PALLD: variants seen among roughly 807,000 people sequenced by gnomAD.
PALLD encodes the protein palladin, cytoskeletal associated protein.
Under a neutral mutation model 123.5 loss-of-function variants are expected in PALLD, and 61 were observed. The observed-to-expected ratio is 0.49, with a 90% CI of 0.40 to 0.61. The LOEUF (loss-of-function observed/expected upper bound fraction) is 0.61. PALLD is among the 20% of genes least tolerant of loss of function. The pLI is 0.00. For missense variants in PALLD, 1,273 were observed against 1,377.0 expected (o/e 0.92, Z 1.20); for synonymous variants, 465 against 496.4 (o/e 0.94, Z 0.84).
intron 8 of PALLD, among the ~76,000 whole-genome samples, chr4:168,698,644 A>C (rs1355193174): frequency 6.6e-6 from 1 of 151,972 alleles, no homozygotes; most frequent in Non-Finnish European, 1.5e-5. Context: ...TATTTCCCAG[A>C]TTCACTCAAG....
At chr4:168,598,490 C>A (rs1772215231) in intron 2 of PALLD, 2 of 544,302 alleles carry the variant, frequency 3.7e-6, no homozygotes, top group Admixed American at 4.3e-5. Flanking sequence ...GAGAGAAGAA[C>A]TAGAGAGAGG....
At chr4:168,866,839 C>G (rs1322486369) in intron 10 of PALLD, among the ~76,000 whole-genome samples, 1 of 152,170 alleles carries the variant, frequency 6.6e-6, no homozygotes, top group African/African-American at 2.4e-5. Context: ...GCCCAGCTGT[C>G]TCTATAGCTG....
chr4:168,898,617 T>C lies in PALLD; in HGVS notation c.2375T>C (p.Met792Thr). The change falls in exon 14 of 22, where the codon ATG (methionine) becomes ACG (threonine). Residue 792 changes from methionine (M) to threonine (T), a missense_variant. By Grantham distance (81) the Met-to-Thr change is moderately conservative. Around this residue, in one of 2 missense-constraint regions of PALLD, gnomAD observed 329 missense variants for 422.5 expected, o/e 0.78. Transcript: ENST00000505667. ...GGAGATGTGCCTGTGGAAAATGGAA[T>C]GGCACCATTCTTTGAGATGAAGCTG... is the stretch of plus-strand genomic sequence containing the variant. ...QYGDVPVENG[M>T]APFFEMKLKH... is the part of the protein sequence containing the mutation. The C allele has an allele frequency of 6.2e-7, 1 of 1,613,978 alleles. No homozygotes were observed.
In PALLD at chr4:168,911,030, G is replaced by A. The variant is rs140395849; in HGVS notation, c.2623-2897G>A. 1.9e-3 allele frequency among the ~76,000 whole-genome samples: 292 copies of A among 152,222 alleles called. 1 individual carries two copies. Among genetic ancestry groups the A allele is most frequent in the African/African-American group, 6.9e-3 (286 of 41,522 alleles). On this transcript the variant is annotated intron_variant, in intron 15 of 21. Coordinates refer to ENST00000505667, the MANE Select transcript of PALLD (RefSeq NM_001166108.2). ...CATGATAACACAGTACCAGCTATGA[G>A]GAATTTAATAATGATAATTTATGAT...
intron 2 of PALLD, among the ~76,000 whole-genome samples, chr4:168,644,447 A>C (rs1777247780): frequency 2.0e-5 from 3 of 152,192 alleles, no homozygotes; most frequent in Non-Finnish European, 4.4e-5. Flanking sequence ...GGGGTTAAAC[A>C]GACCATATCA....
chr4:168,842,155 T>A (rs149448761), intron 10 of PALLD, among the ~76,000 whole-genome samples: 2 of 152,244 alleles, frequency 1.3e-5, no homozygotes. Flanking sequence ...TGCTCCTCCT[T>A]TCATTCACCG....
At chr4:168,884,190 C>A (rs770267570) in intron 10 of PALLD, among the ~76,000 whole-genome samples, 2 of 152,180 alleles carry the variant, frequency 1.3e-5, no homozygotes, top group African/African-American at 4.8e-5. Flanking sequence ...ACTTTTATTT[C>A]TAACTCTCAC....
intron 2 of PALLD, among the ~76,000 whole-genome samples, chr4:168,531,376 A>G (rs1764581893): frequency 6.6e-6 from 1 of 152,200 alleles, no homozygotes; most frequent in Non-Finnish European, 1.5e-5. Context: ...GCTGCCTTCA[A>G]ATTTTTGGAC....
chr4:168,784,360 G>T (rs1441175048), intron 10 of PALLD, among the ~76,000 whole-genome samples: 3 of 152,016 alleles, frequency 2.0e-5, no homozygotes, highest in Non-Finnish European at 2.9e-5. Flanking sequence ...AGAAAGAAAA[G>T]AAAAGAAAAG....
chr4:168,785,537 A>T (rs1465797211), intron 10 of PALLD, among the ~76,000 whole-genome samples: 2 of 152,122 alleles, frequency 1.3e-5, no homozygotes. Context: ...TTACCCTTTG[A>T]TCCAGAGTTT....
At chr4:168,532,759 G>A (rs1186441708) in intron 2 of PALLD, among the ~76,000 whole-genome samples, 1 of 152,116 alleles carries the variant, frequency 6.6e-6, no homozygotes, top group African/African-American at 2.4e-5. Flanking sequence ...ATTCATGGAG[G>A]CCAAGGTGCA....
intron 2 of PALLD, among the ~76,000 whole-genome samples, chr4:168,632,437 T>C (rs1409053135): frequency 6.6e-6 from 1 of 152,214 alleles, no homozygotes; most frequent in Non-Finnish European, 1.5e-5. Context: ...TGGTGATTTT[T>C]CCCATGAGAA....
chr4:168,867,931 T>A (rs1157026153), intron 10 of PALLD, among the ~76,000 whole-genome samples: 1 of 150,900 alleles, frequency 6.6e-6, no homozygotes, highest in Non-Finnish European at 1.5e-5. Flanking sequence ...AAAAAAAAAA[T>A]TCTGAGATAA....
At chr4:168,649,631 C>T (rs1777830865) in intron 2 of PALLD, among the ~76,000 whole-genome samples, 1 of 152,130 alleles carries the variant, frequency 6.6e-6, no homozygotes, top group Admixed American at 6.5e-5. Context: ...CATCAAGCCC[C>T]ATAGCAGAGG....
chr4:168,896,822 GTATT>G (rs528701229), intron 13 of PALLD, among the ~76,000 whole-genome samples: 10 of 151,640 alleles, frequency 6.6e-5, no homozygotes, highest in South Asian at 2.1e-4. Context: ...TTTACTTTAT[GTATT>G]TATTTATTTA....
At chr4:168,596,234 G>T (rs1464389120) in intron 2 of PALLD, among the ~76,000 whole-genome samples, 1 of 152,106 alleles carries the variant, frequency 6.6e-6, no homozygotes, top group Non-Finnish European at 1.5e-5. Context: ...AGAGGAGAAA[G>T]ATGCAGACTA....
chr4:168,568,687 T>C (rs955336622), intron 2 of PALLD, among the ~76,000 whole-genome samples: 6 of 151,882 alleles, frequency 4.0e-5, no homozygotes, highest in Non-Finnish European at 8.8e-5. Context: ...ACTACTTCAT[T>C]TGAAATTTGG....
intron 2 of PALLD, among the ~76,000 whole-genome samples, chr4:168,626,080 G>A (rs1401633498): frequency 1.1e-4 from 16 of 141,894 alleles, no homozygotes; most frequent in East Asian, 2.1e-4. Context: ...TGGCTAACAT[G>A]GTAAAACCTC....
chr4:168,636,789 C>T (rs894086065), intron 2 of PALLD, among the ~76,000 whole-genome samples: 19 of 152,060 alleles, frequency 1.2e-4, no homozygotes, highest in Admixed American at 1.1e-3. Context: ...AGAAAAGGGC[C>T]CCAGAGAGTG....
Sources: gnomAD v4.1 joint callset for allele counts (sites outside exome capture counted in the v4.1 genomes callset) on GRCh38, gnomAD v4.1.1 for gene constraint, gnomAD v4.1.1 regional missense constraint, MANE v1.5 for transcripts, NCBI Gene and HGNC (gene_info 2026-07-23, HGNC 2026-07-21) for gene names.